HESX1: variants seen among roughly 807,000 people sequenced by gnomAD.
The protein encoded by HESX1 is HESX homeobox 1, also known as homeobox expressed in ES cells 1.
In HESX1, 11 loss-of-function variants were observed where a neutral mutation model predicts 22.5. That is an observed-to-expected ratio of 0.49 (90% CI 0.31 to 0.81). The LOEUF is 0.81. Ranked by LOEUF, HESX1 falls within the 30% of genes least tolerant of loss-of-function variation. The probability of loss-of-function intolerance (pLI) is 0.05; values close to 1 mark genes in which losing one functional copy is unlikely to be tolerated. For missense variants in HESX1, 201 were observed against 212.6 expected (o/e 0.95, Z 0.34); for synonymous variants, 74 against 76.5 (o/e 0.97, Z 0.17).
chr3:57,198,893 T>G lies in HESX1; in HGVS notation c.217A>C (p.Ser73Arg). The G allele has an allele frequency of 6.2e-7, 1 of 1,614,158 alleles. No homozygotes were observed. The stretch of plus-strand genomic sequence containing the variant: ...TCTGGCATTGGGTGATCCACCACGC[T>G]AGGGAATGAAATCCCACTGGGAGGA... ...PNPPSGISFP[S>R]VVDHPMPEER... Residue 73 changes from serine (S) to arginine (R), a missense_variant, in exon 2 of 4, where the codon AGC (serine) becomes CGC (arginine). Coordinates refer to ENST00000295934, the MANE Select transcript of HESX1 (RefSeq NM_003865.3).
At chr3:57,207,493 G>A (rs1047906314) in intron 1 of HESX1, among the ~76,000 whole-genome samples, 2 of 152,194 alleles carry the variant, frequency 1.3e-5, no homozygotes, top group Admixed American at 6.5e-5. Flanking sequence ...AATGAGAAGA[G>A]GACTTGGAGC....
intron 1 of HESX1, among the ~76,000 whole-genome samples, chr3:57,224,854 T>TC (rs2060633455): frequency 6.6e-6 from 1 of 152,238 alleles, no homozygotes; most frequent in Admixed American, 6.5e-5. Flanking sequence ...AGACTGTACG[T>TC]CCTTTTGTTG....
At chr3:57,201,882 T>C (rs916787039), upstream of HESX1, among the ~76,000 whole-genome samples, 1 of 131,308 alleles carries the variant, frequency 7.6e-6, no homozygotes, top group Non-Finnish European at 1.6e-5. Flanking sequence ...TCTATATCTA[T>C]CTATCTATCT....
upstream of HESX1, among the ~76,000 whole-genome samples, chr3:57,227,236 C>T (rs1477160486): frequency 6.6e-6 from 1 of 152,180 alleles, no homozygotes; most frequent in Non-Finnish European, 1.5e-5. Context: ...TTCGAGCCTA[C>T]GTTCACAAGT....
chr3:57,208,577 T>G (rs2060533436), intron 1 of HESX1, among the ~76,000 whole-genome samples: 1 of 146,312 alleles, frequency 6.8e-6, no homozygotes, highest in African/African-American at 2.5e-5. Flanking sequence ...CTCGAACTCC[T>G]GACCTCAAGT....
At chr3:57,215,337 A>G (rs184420819) in intron 1 of HESX1, among the ~76,000 whole-genome samples, 1 of 152,330 alleles carries the variant, frequency 6.6e-6, no homozygotes, top group Non-Finnish European at 1.5e-5. Flanking sequence ...GGTTCTCATA[A>G]AAGTAGGGAT....
chr3:57,215,844 T>C (rs1230849776), intron 1 of HESX1, among the ~76,000 whole-genome samples: 3 of 152,198 alleles, frequency 2.0e-5, no homozygotes, highest in Non-Finnish European at 2.9e-5. Context: ...CAATGTATCA[T>C]GTTCAACGGT....
chr3:57,202,387 G>T (rs1165748125), upstream of HESX1, among the ~76,000 whole-genome samples: 1 of 152,152 alleles, frequency 6.6e-6, no homozygotes, highest in African/African-American at 2.4e-5. Flanking sequence ...CCAGGCTGGA[G>T]TGCGGTGGCG....
At chr3:57,217,769 T>G (rs2060590618) in intron 1 of HESX1, among the ~76,000 whole-genome samples, 1 of 152,140 alleles carries the variant, frequency 6.6e-6, no homozygotes, top group South Asian at 2.1e-4. Flanking sequence ...CTCATCACGC[T>G]TGGGCTCCAA....
At chr3:57,217,584 A>G (rs536213308) in intron 1 of HESX1, among the ~76,000 whole-genome samples, 30 of 151,930 alleles carry the variant, frequency 2.0e-4, no homozygotes, top group African/African-American at 6.3e-4. Context: ...TTCTCTTCCT[A>G]CTTGGGCTCT....
At chr3:57,199,291 A>C (rs149570622) in intron 1 of HESX1, among the ~76,000 whole-genome samples, 2 of 152,286 alleles carry the variant, frequency 1.3e-5, no homozygotes, top group African/African-American at 4.8e-5. Flanking sequence ...ATATTCTTTT[A>C]ATTTCCCATA....
At chr3:57,222,981 A>C (rs1355533898) in intron 1 of HESX1, among the ~76,000 whole-genome samples, 1 of 152,210 alleles carries the variant, frequency 6.6e-6, no homozygotes, top group East Asian at 1.9e-4. Flanking sequence ...CCTTAAATGT[A>C]TTAAAATATT....
chr3:57,207,375 G>T (rs1010830357), intron 1 of HESX1, among the ~76,000 whole-genome samples: 1 of 152,178 alleles, frequency 6.6e-6, no homozygotes, highest in Non-Finnish European at 1.5e-5. Context: ...TTCAGGCCCA[G>T]CTATTAAAAG....
At chr3:57,221,257 G>A (rs943313351) in intron 1 of HESX1, among the ~76,000 whole-genome samples, 3 of 151,090 alleles carry the variant, frequency 2.0e-5, no homozygotes, top group Admixed American at 1.3e-4. Flanking sequence ...CAGCTCAAGC[G>A]ATCCTCCCAC....
At chr3:57,225,187 A>G (rs1490998761) in intron 1 of HESX1, among the ~76,000 whole-genome samples, 1 of 152,190 alleles carries the variant, frequency 6.6e-6, no homozygotes, top group Non-Finnish European at 1.5e-5. Flanking sequence ...AAATACAACC[A>G]TATTTTTGGA....
chr3:57,216,981 A>G (rs1454524540), intron 1 of HESX1, among the ~76,000 whole-genome samples: 3 of 152,130 alleles, frequency 2.0e-5, no homozygotes, highest in Admixed American at 6.6e-5. Context: ...ATGATGTTCA[A>G]ATTTCCCCAG....
In HESX1 at chr3:57,216,381, T is replaced by C. The variant is rs1406069145; in HGVS notation, c.-111+9915A>G. 2.0e-5 allele frequency among the ~76,000 whole-genome samples: 3 copies of C among 152,086 alleles called. No homozygotes were observed. The East Asian group carries it at 5.8e-4, about 29-fold the overall frequency. On this transcript the variant is annotated intron_variant, in intron 1 of 2. Transcript: ENST00000495160. ...GCCAGCACTTTGGGAGGCTGGAGGC[T>C]GAGGCAGGCAGATCACTTGAGCCCA...
chr3:57,204,276 C>A (rs1295935321), upstream of HESX1, among the ~76,000 whole-genome samples: 1 of 152,154 alleles, frequency 6.6e-6, no homozygotes, highest in Non-Finnish European at 1.5e-5. Flanking sequence ...GCTTCAGCCT[C>A]CAGAGTAGCT....
intron 1 of HESX1, among the ~76,000 whole-genome samples, chr3:57,225,357 A>AT (rs1579370801): frequency 6.6e-6 from 1 of 152,070 alleles, no homozygotes; most frequent in South Asian, 2.1e-4. Flanking sequence ...ATTTTTATTT[A>AT]TTTTTTGTTT....
Sources: gnomAD v4.1 joint callset for allele counts (sites outside exome capture counted in the v4.1 genomes callset) on GRCh38, gnomAD v4.1.1 for gene constraint, MANE v1.5 for transcripts, NCBI Gene and HGNC (gene_info 2026-07-23, HGNC 2026-07-21) for gene names.